The following BLTP3B variants were observed in gnomAD, a reference collection of about 807,000 sequenced individuals.
BLTP3B encodes UHRF1 (ICBP90) binding protein 1-like.
the BLTP3B span, among the ~76,000 whole-genome samples, chr12:100,141,202 T>C: frequency 6.6e-6 from 1 of 151,874 alleles, no homozygotes; most frequent in Non-Finnish European, 1.5e-5. Context: ...TACATATTCA[T>C]GCAGGGCGTG....
chr12:100,119,038 G>A, the BLTP3B span, among the ~76,000 whole-genome samples: 4 of 152,062 alleles, frequency 2.6e-5, no homozygotes, highest in African/African-American at 7.2e-5. Flanking sequence ...GGAGGCGGAG[G>A]TTGCAGTGAG....
chr12:100,102,663 G>A, the BLTP3B span: 1 of 759,126 alleles, frequency 1.3e-6, no homozygotes, highest in Admixed American at 2.9e-5. Context: ...TGTTTGATGG[G>A]AGAGCTGACT....
At chr12:100,134,917 G>C in the BLTP3B span, among the ~76,000 whole-genome samples, 4 of 152,136 alleles carry the variant, frequency 2.6e-5, no homozygotes, top group Admixed American at 1.3e-4. Context: ...ATCTGCCTTC[G>C]TTCAATCCAA....
the BLTP3B span, among the ~76,000 whole-genome samples, chr12:100,075,879 G>C: frequency 6.6e-6 from 1 of 152,024 alleles, no homozygotes; most frequent in Non-Finnish European, 1.5e-5. Context: ...TGCATGTTCT[G>C]ACTTACAAGT....
the BLTP3B span, among the ~76,000 whole-genome samples, chr12:100,115,424 C>T: frequency 2.6e-5 from 4 of 152,076 alleles, no homozygotes; most frequent in African/African-American, 9.7e-5. Context: ...AAATAGTGAT[C>T]ATAACTAAAA....
At chr12:100,052,507 A>G in the BLTP3B span, among the ~76,000 whole-genome samples, 12 of 152,136 alleles carry the variant, frequency 7.9e-5, no homozygotes, top group African/African-American at 2.7e-4. Flanking sequence ...TAAAATAAAC[A>G]GAAAGAAAAA....
the BLTP3B span, among the ~76,000 whole-genome samples, chr12:100,100,700 A>G: frequency 6.6e-6 from 1 of 150,664 alleles, no homozygotes; most frequent in African/African-American, 2.5e-5. Context: ...CAACAGAGTG[A>G]GACCCAAAAA....
the BLTP3B span, chr12:100,059,120 T>C: frequency 8.1e-6 from 13 of 1,614,174 alleles, no homozygotes; most frequent in Non-Finnish European, 1.1e-5. Context: ...GGAATGAGTC[T>C]ACAAAACTTA....
the BLTP3B span, chr12:100,050,029 C>T: frequency 1.2e-6 from 1 of 857,820 alleles, no homozygotes; most frequent in South Asian, 3.1e-5. Context: ...TAGAAAAAAC[C>T]ACTAACTACT....
chr12:100,122,671 C>T, the BLTP3B span, among the ~76,000 whole-genome samples: 4 of 152,184 alleles, frequency 2.6e-5, no homozygotes, highest in Non-Finnish European at 4.4e-5. Flanking sequence ...ACTTTGTTTC[C>T]AAAAACAGGC....
At chr12:100,091,581 C>A in the BLTP3B span, among the ~76,000 whole-genome samples, 3 of 151,926 alleles carry the variant, frequency 2.0e-5, no homozygotes, top group Non-Finnish European at 4.4e-5. Flanking sequence ...CGGCTCACTG[C>A]AAGCTCTGCC....
the BLTP3B span, chr12:100,092,981 G>C: frequency 1.0e-6 from 1 of 984,926 alleles, no homozygotes; most frequent in African/African-American, 1.7e-5. Flanking sequence ...CTAAAGTTCT[G>C]AACTTTTCTC....
the BLTP3B span, among the ~76,000 whole-genome samples, chr12:100,091,506 T>C: frequency 6.6e-6 from 1 of 150,638 alleles, no homozygotes; most frequent in Non-Finnish European, 1.5e-5. Flanking sequence ...TGTATTTTAT[T>C]CTATTTTATT....
the BLTP3B span, among the ~76,000 whole-genome samples, chr12:100,129,498 A>ACAAG: frequency 6.6e-6 from 1 of 152,230 alleles, no homozygotes; most frequent in Non-Finnish European, 1.5e-5. Flanking sequence ...GGTGAACAAG[A>ACAAG]CAAGCAAAGT....
chr12:100,060,049 G>A, the BLTP3B span: 101 of 1,553,512 alleles, frequency 6.5e-5, no homozygotes, highest in Non-Finnish European at 8.4e-5. Context: ...TGGAACTGTG[G>A]AGACAAGATG....
At chr12:100,106,947 C>T in the BLTP3B span, among the ~76,000 whole-genome samples, 2 of 152,046 alleles carry the variant, frequency 1.3e-5, no homozygotes, top group Admixed American at 6.6e-5. Flanking sequence ...TAAACAAAGC[C>T]TCATCTTTAA....
At chr12:100,061,243 T>C in the BLTP3B span, among the ~76,000 whole-genome samples, 155 of 152,286 alleles carry the variant, frequency 1.0e-3, 1 homozygote, top group Middle Eastern at 0.01. Flanking sequence ...CGTAGATTGA[T>C]TGATGATGGT....
chr12:100,086,908 C>G, the BLTP3B span, among the ~76,000 whole-genome samples: 22 of 152,278 alleles, frequency 1.4e-4, 1 homozygote, highest in East Asian at 4.1e-3. Flanking sequence ...CGCCTGTCAT[C>G]CCAGCACTTT....
the BLTP3B span, among the ~76,000 whole-genome samples, chr12:100,084,908 AT>A: frequency 3.3e-5 from 5 of 152,188 alleles, no homozygotes; most frequent in South Asian, 2.1e-4. Context: ...AATCACTAAG[AT>A]TCAATTTAAA....
Sources: gnomAD v4.1 joint callset for allele counts (sites outside exome capture counted in the v4.1 genomes callset) on GRCh38, gnomAD v4.1.1 for gene constraint, MANE v1.5 for transcripts, NCBI Gene and HGNC (gene_info 2026-07-23, HGNC 2026-07-21) for gene names.